ADAMTS19: variants seen among roughly 807,000 people sequenced by gnomAD.
ADAMTS19 encodes the protein A disintegrin and metalloproteinase with thrombospondin motifs 19.
ADAMTS19 carries 93 observed loss-of-function variants against 153.3 expected under a neutral mutation model. That is an observed-to-expected ratio of 0.61 (90% CI 0.51 to 0.72). The LOEUF is 0.72. Ranked by LOEUF, ADAMTS19 falls within the 30% of genes least tolerant of loss-of-function variation. The pLI is 0.00. For missense variants in ADAMTS19, 1,482 were observed against 1,552.1 expected, an observed-to-expected ratio of 0.95 and a Z score of 0.76; for synonymous variants, 600 against 556.6, an observed-to-expected ratio of 1.08 and a Z score of -1.10.
intron 6 of ADAMTS19, among the ~76,000 whole-genome samples, chr5:129,550,732 T>C (rs1002397521): frequency 4.0e-5 from 6 of 151,548 alleles, no homozygotes; most frequent in African/African-American, 1.4e-4. Flanking sequence ...ATCATTTAGA[T>C]ACAGCTTTCA....
Position 129,608,504 on chromosome 5 carries a change from AAG to A in ADAMTS19, c.1478+11843_1478+11844del, listed in dbSNP as rs561067893. ...TGGTTACACTCTCTCAGCTTCCAAGAAGAGTCCTTTTCAGAAGTGAATTAAAT... is the reference window on the plus strand; with the variant it reads ...TGGTTACACTCTCTCAGCTTCCAAGAAGTCCTTTTCAGAAGTGAATTAAAT... On this transcript the variant is annotated intron_variant, in intron 8 of 22. Transcript: ENST00000274487. Among the ~76,000 whole-genome samples, 286 of 152,246 alleles carry A rather than the reference AAG, an allele frequency of 1.9e-3. 1 individual carries two copies. Among genetic ancestry groups the A allele is most frequent in the Admixed American group, 2.7e-3 (42 of 15,274 alleles).
At chr5:129,663,119 C>T in intron 15 of ADAMTS19, among the ~76,000 whole-genome samples, 1 of 152,046 alleles carries the variant, frequency 6.6e-6, no homozygotes, top group Non-Finnish European at 1.5e-5. Context: ...TGGTCTTGAT[C>T]TCCTGACCTT....
At chr5:129,558,090 T>C (rs1164307354) in intron 7 of ADAMTS19, among the ~76,000 whole-genome samples, 1 of 87,756 alleles carries the variant, frequency 1.1e-5, no homozygotes, top group East Asian at 2.9e-4. Flanking sequence ...GGAACTTTAT[T>C]AACCAGTAGA....
intron 10 of ADAMTS19, among the ~76,000 whole-genome samples, chr5:129,629,413 T>C (rs1752192128): frequency 6.6e-6 from 1 of 152,060 alleles, no homozygotes. Context: ...CACAGCAACC[T>C]TCAATATGTA....
At chr5:129,579,203 C>T (rs1749378580) in intron 7 of ADAMTS19, among the ~76,000 whole-genome samples, 1 of 152,108 alleles carries the variant, frequency 6.6e-6, no homozygotes, top group Admixed American at 6.5e-5. Flanking sequence ...TGGTGATGAG[C>T]TTTTTTTCAT....
In ADAMTS19 at chr5:129,679,872, G is replaced by T; in HGVS notation, c.2615G>T (p.Trp872Leu). 1 of 1,614,024 alleles carries T rather than the reference G, an allele frequency of 6.2e-7. No homozygotes were observed. The highest frequency in any genetic ancestry group is 2.2e-5 in the East Asian group (1 of 44,852). ...TTVHYVRRGL[W>L]EKISAKGPTT... ...GTTCATTATGTAAGACGAGGCCTCTGGGAGAAGATCTCTGCCAAAGGTCCT... is the reference window on the plus strand; with the variant it reads ...GTTCATTATGTAAGACGAGGCCTCTTGGAGAAGATCTCTGCCAAAGGTCCT... Residue 872 changes from tryptophan to leucine, a missense_variant, in exon 17 of 23, where the codon TGG (tryptophan) becomes TTG (leucine). Transcript: ENST00000274487.
At chr5:129,579,507 T>G (rs1483300925) in intron 7 of ADAMTS19, among the ~76,000 whole-genome samples, 1 of 152,210 alleles carries the variant, frequency 6.6e-6, no homozygotes, top group Admixed American at 6.5e-5. Context: ...TCATGAAGCC[T>G]TTGCCCATGC....
intron 7 of ADAMTS19, among the ~76,000 whole-genome samples, chr5:129,555,396 A>G (rs547254436): frequency 6.6e-6 from 1 of 152,228 alleles, no homozygotes; most frequent in East Asian, 1.9e-4. Flanking sequence ...ATTCCCTCAA[A>G]ATCTGAACTC....
Position 129,645,526 on chromosome 5 carries a change from T to A in ADAMTS19, c.1873-2239T>A, listed in dbSNP as rs576994978. On this transcript the variant is annotated intron_variant, in intron 11 of 22. Transcript: ENST00000274487. ...TATGCTGTAGTACTTTCTTCAAATT[T>A]CACTGATGTGTATATGCAAATAGGT... 2.4e-4 allele frequency among the ~76,000 whole-genome samples: 36 copies of A among 152,340 alleles called. No homozygotes were observed. In the South Asian group the frequency reaches 3.7e-3, roughly 16 times the overall value.
chr5:129,652,106 A>G (rs1283638157), intron 13 of ADAMTS19, among the ~76,000 whole-genome samples: 1 of 152,092 alleles, frequency 6.6e-6, no homozygotes, highest in Non-Finnish European at 1.5e-5. Flanking sequence ...GGAACTTCTG[A>G]CTCTTACAAA....
In ADAMTS19 at chr5:129,680,246, A is replaced by C. The variant is rs576380053; in HGVS notation, c.2664+325A>C. Among the ~76,000 whole-genome samples the C allele has an allele frequency of 7.9e-5, 12 of 152,280 alleles. No homozygotes were observed. In the East Asian group the frequency reaches 2.3e-3, roughly 29 times the overall value. ...GGATGTCTATGAAGAGAGTACTATAATATTGCATGCAAATCACAGCGTTTT... is the reference window on the plus strand; with the variant it reads ...GGATGTCTATGAAGAGAGTACTATACTATTGCATGCAAATCACAGCGTTTT... On this transcript the variant is annotated intron_variant, in intron 17 of 22. Transcript: ENST00000274487.
chr5:129,565,127 A>C (rs73785206), intron 7 of ADAMTS19, among the ~76,000 whole-genome samples: 6,684 of 152,252 alleles, frequency 0.044, 461 homozygotes, highest in African/African-American at 0.15. Context: ...AGAGATATTA[A>C]CCATCACAAT....
chr5:129,658,309 A>AAGAAAG (rs1454863600), intron 14 of ADAMTS19, among the ~76,000 whole-genome samples: 4 of 113,678 alleles, frequency 3.5e-5, no homozygotes, highest in Admixed American at 9.5e-5. Flanking sequence ...GAAAGAAAGA[A>AAGAAAG]AAAGAAAGAA....
chr5:129,461,811 C>T lies in ADAMTS19; in HGVS notation c.747+54C>T, dbSNP rs1293229215. The T allele has an allele frequency of 3.4e-6, 5 of 1,467,732 alleles. No individual in the cohort carries two copies. The highest frequency in any genetic ancestry group is 4.5e-6 in the Non-Finnish European group (5 of 1,119,008). 90.9% of individuals were successfully genotyped at this position (1,467,732 alleles called of 1,614,324 possible). On this transcript the variant is annotated intron_variant, in intron 2 of 22. Coordinates refer to ENST00000274487, the MANE Select transcript of ADAMTS19 (RefSeq NM_133638.6). This position sits in a 1 kb window ranked among gnomAD's most constrained non-coding sequence, Gnocchi z 4.6. ...TTTTCCCCTGCTGCTCCTCTCCTTGCCCATAGGTCAGGATGATTTGCATGC... is the reference window on the plus strand; with the variant it reads ...TTTTCCCCTGCTGCTCCTCTCCTTGTCCATAGGTCAGGATGATTTGCATGC...
At chr5:129,608,139 T>TATATATATATATATATATATAA (rs1561599440) in intron 8 of ADAMTS19, among the ~76,000 whole-genome samples, 2 of 137,120 alleles carry the variant, frequency 1.5e-5, no homozygotes, top group Admixed American at 7.5e-5. Context: ...TATATATATA[T>TATATATATATATATATATATAA]AATGGAACAT....
intron 21 of ADAMTS19, among the ~76,000 whole-genome samples, chr5:129,734,409 T>C (rs1438710226): frequency 6.6e-6 from 1 of 152,034 alleles, no homozygotes; most frequent in Non-Finnish European, 1.5e-5. Flanking sequence ...GCAATTACTT[T>C]AATAACATAT....
chr5:129,665,092 G>T (rs1036048823), intron 15 of ADAMTS19, among the ~76,000 whole-genome samples: 4 of 151,918 alleles, frequency 2.6e-5, no homozygotes, highest in Admixed American at 2.6e-4. Context: ...TATTTTCTCC[G>T]GCTATATATT....
intron 17 of ADAMTS19, among the ~76,000 whole-genome samples, chr5:129,682,020 T>C (rs1581221590): frequency 6.6e-6 from 1 of 152,168 alleles, no homozygotes; most frequent in Admixed American, 6.5e-5. Flanking sequence ...TATTTTATGG[T>C]ATAAGACCAA....
intron 2 of ADAMTS19, among the ~76,000 whole-genome samples, chr5:129,502,058 G>A (rs1335055081): frequency 6.6e-6 from 1 of 152,022 alleles, no homozygotes; most frequent in Non-Finnish European, 1.5e-5. Context: ...CATAAAGGAG[G>A]TTATAAAACC....
Sources: gnomAD v4.1 joint callset for allele counts (sites outside exome capture counted in the v4.1 genomes callset) on GRCh38, gnomAD v4.1.1 for gene constraint, Gnocchi (gnomAD v3.1) non-coding constraint, MANE v1.5 for transcripts, NCBI Gene and HGNC (gene_info 2026-07-23, HGNC 2026-07-21) for gene names.